The following ANTXR1 variants were observed in gnomAD, a reference collection of about 807,000 sequenced individuals.
The protein encoded by ANTXR1 is ANTXR cell adhesion molecule 1.
A neutral mutation model predicts 78.1 loss-of-function variants in ANTXR1; 19 were observed. The observed-to-expected ratio is 0.24, with a 90% CI of 0.17 to 0.36. The LOEUF (loss-of-function observed/expected upper bound fraction) is 0.36. Ranked by LOEUF, ANTXR1 falls within the 10% of genes least tolerant of loss-of-function variation. The probability of loss-of-function intolerance (pLI) is 1.00; values close to 1 mark genes in which losing one functional copy is unlikely to be tolerated. For synonymous variants in ANTXR1, 273 were observed against 260.5 expected (o/e 1.05, Z -0.46); for missense variants, 518 against 718.6 (o/e 0.72, Z 3.19).
chr2:69,146,306 C>T lies in ANTXR1; in HGVS notation c.952-5863C>T, dbSNP rs1260424557. ...GCTCCAGTTGCTCATCTGAGAACTCCCCCCACCACTTGCTGTTAAAATTGT... is the reference window on the plus strand; with the variant it reads ...GCTCCAGTTGCTCATCTGAGAACTCTCCCCACCACTTGCTGTTAAAATTGT... On this transcript the variant is annotated intron_variant, in intron 12 of 17. Transcript: ENST00000303714. The T allele has an allele frequency of 3.0e-6, 3 of 985,282 alleles. No individual in the cohort carries two copies. The Admixed American group carries it at 1.8e-4, about 61-fold the overall frequency. The allele number at this position is 985,282 out of a possible 1,614,324, so 61.0% of individuals were successfully genotyped here. A position where few individuals can be genotyped will look rare whatever the true frequency, so the allele number is the denominator to read the frequency against.
intron 17 of ANTXR1, among the ~76,000 whole-genome samples, chr2:69,234,159 A>C (rs1440193037): frequency 6.6e-6 from 1 of 152,262 alleles, no homozygotes; most frequent in Non-Finnish European, 1.5e-5. Flanking sequence ...AGATAGACTT[A>C]TAAGATCAAT....
chr2:69,118,322 G>A (rs1672220283), intron 10 of ANTXR1, among the ~76,000 whole-genome samples: 1 of 151,762 alleles, frequency 6.6e-6, no homozygotes, highest in South Asian at 2.1e-4. Flanking sequence ...TGGGGTGGGT[G>A]AGGGGGACAA....
intron 1 of ANTXR1, among the ~76,000 whole-genome samples, chr2:69,032,021 T>TA (rs1204340726): frequency 1.3e-5 from 2 of 152,124 alleles, no homozygotes; most frequent in Non-Finnish European, 2.9e-5. Flanking sequence ...AAGATATTGT[T>TA]AAAAAATATT....
At chr2:69,031,066 G>A (rs1671518263) in intron 1 of ANTXR1, among the ~76,000 whole-genome samples, 1 of 152,174 alleles carries the variant, frequency 6.6e-6, no homozygotes, top group South Asian at 2.1e-4. Context: ...AAGCAGAGTT[G>A]AGTAGTTGCC....
rs537609077 is a variant in ANTXR1 at position 69,106,691 on chromosome 2, C to T, written c.802+3751C>T. On this transcript the variant is annotated intron_variant, in intron 10 of 17. Coordinates refer to ENST00000303714, the MANE Select transcript of ANTXR1 (RefSeq NM_032208.3). The stretch of plus-strand genomic sequence containing the variant: ...CAAGAAACTAGCCCCAAAATGTGTC[C>T]GTGATCTTCCTGATCTCTGTGGCCC... Among the ~76,000 whole-genome samples, 6 of 152,310 alleles carry T rather than the reference C, an allele frequency of 3.9e-5. No homozygotes were observed. In the South Asian group the frequency reaches 6.2e-4, roughly 16 times the overall value.
chr2:69,176,746 C>T (rs992285822), intron 14 of ANTXR1, among the ~76,000 whole-genome samples: 25 of 152,194 alleles, frequency 1.6e-4, no homozygotes, highest in Admixed American at 3.3e-4. Flanking sequence ...TGCTCCAGTT[C>T]AATGACATTT....
At chr2:69,215,215 G>T (rs996465484) in intron 17 of ANTXR1, among the ~76,000 whole-genome samples, 1 of 152,096 alleles carries the variant, frequency 6.6e-6, no homozygotes, top group African/African-American at 2.4e-5. Flanking sequence ...TGGAGGGGAA[G>T]CCCAGGGAAG....
chr2:69,117,442 A>T (rs898435561), intron 10 of ANTXR1, among the ~76,000 whole-genome samples: 1 of 152,246 alleles, frequency 6.6e-6, no homozygotes, highest in Non-Finnish European at 1.5e-5. Flanking sequence ...TGATGTTAGA[A>T]AAAATCAACA....
At chr2:69,177,488 C>A (rs949890590) in intron 14 of ANTXR1, among the ~76,000 whole-genome samples, 21 of 152,192 alleles carry the variant, frequency 1.4e-4, no homozygotes, top group Admixed American at 8.5e-4. Context: ...TCAGAAGGGG[C>A]CTCTACCATC....
At chr2:69,149,905 C>G (rs1389356095) in intron 12 of ANTXR1, among the ~76,000 whole-genome samples, 1 of 152,186 alleles carries the variant, frequency 6.6e-6, no homozygotes, top group Non-Finnish European at 1.5e-5. Flanking sequence ...CTGCCATCAC[C>G]CATGTATAAA....
chr2:69,187,337 G>A (rs1310110337), intron 16 of ANTXR1, among the ~76,000 whole-genome samples: 4 of 151,752 alleles, frequency 2.6e-5, no homozygotes, highest in East Asian at 1.9e-4. Context: ...ACAATACCCC[G>A]TGCTTCTCAT....
intron 8 of ANTXR1, among the ~76,000 whole-genome samples, chr2:69,083,779 T>C (rs548599750): frequency 1.3e-5 from 2 of 152,276 alleles, no homozygotes; most frequent in Admixed American, 6.5e-5. Flanking sequence ...TCTTCCAAGA[T>C]TGCATCTGTA....
intron 3 of ANTXR1, among the ~76,000 whole-genome samples, chr2:69,059,190 G>A (rs1034781440): frequency 3.3e-5 from 5 of 152,200 alleles, no homozygotes; most frequent in Admixed American, 6.5e-5. Flanking sequence ...GAGAGGATTC[G>A]CTCCAATTTT....
At position 69,034,563 on chromosome 2, in the gene ANTXR1, T is replaced by C. The variant is rs538615709; in HGVS notation, c.153-5481T>C. Reference sequence around the variant, plus strand: ...GAACTGCATTTGAGTTAGGATTTAATGGAGTCGAAATTAGGGACCTTTTAC... The same window carrying C: ...GAACTGCATTTGAGTTAGGATTTAACGGAGTCGAAATTAGGGACCTTTTAC... On this transcript the variant is annotated intron_variant, in intron 1 of 17. Transcript: ENST00000303714. Among the ~76,000 whole-genome samples the C allele has an allele frequency of 4.6e-5, 7 of 152,284 alleles. No individual in the cohort carries two copies. In the East Asian group the frequency reaches 1.3e-3, roughly 29 times the overall value.
intron 8 of ANTXR1, among the ~76,000 whole-genome samples, chr2:69,082,157 C>T (rs1321001790): frequency 1.3e-5 from 2 of 152,216 alleles, no homozygotes; most frequent in Non-Finnish European, 2.9e-5. Context: ...GATCTGAATA[C>T]ACCGTGGATG....
At chr2:69,089,980 C>T (rs1211632700) in intron 8 of ANTXR1, among the ~76,000 whole-genome samples, 1 of 152,146 alleles carries the variant, frequency 6.6e-6, no homozygotes, top group African/African-American at 2.4e-5. Context: ...CCCACTCTAG[C>T]CAGCAAAAGT....
intron 12 of ANTXR1, among the ~76,000 whole-genome samples, chr2:69,149,830 T>C (rs553427040): frequency 7.2e-5 from 11 of 152,366 alleles, no homozygotes; most frequent in African/African-American, 2.6e-4. Context: ...AGGGTTGTCC[T>C]TGGCCAGCCC....
chr2:69,131,542 G>A (rs997583181), intron 12 of ANTXR1, among the ~76,000 whole-genome samples: 1 of 152,324 alleles, frequency 6.6e-6, no homozygotes, highest in African/African-American at 2.4e-5. Flanking sequence ...TGGAAAGAGC[G>A]GTTGTCTCTC....
chr2:69,160,661 A>T (rs1206035747), intron 13 of ANTXR1, among the ~76,000 whole-genome samples: 1 of 152,224 alleles, frequency 6.6e-6, no homozygotes, highest in Non-Finnish European at 1.5e-5. Context: ...ACTTCAGAAC[A>T]AGAGGTATTT....
Sources: allele counts gnomAD v4.1 joint callset (sites outside exome capture counted in the v4.1 genomes callset), GRCh38; gene constraint gnomAD v4.1.1; transcripts MANE v1.5; gene names NCBI Gene and HGNC (gene_info 2026-07-23, HGNC 2026-07-21).